SLX4IP: variants seen among roughly 807,000 people sequenced by gnomAD.
SLX4IP encodes the protein SLX4 interacting protein.
In SLX4IP, 34 loss-of-function variants were observed where a neutral mutation model predicts 32.9. That is an observed-to-expected ratio of 1.03 (90% CI 0.79 to 1.38). The LOEUF (loss-of-function observed/expected upper bound fraction) is 1.38, where lower values mean the gene tolerates loss of function less well. Among genes scored for constraint, SLX4IP ranks in the 40% most tolerant of loss-of-function variants. The probability of loss-of-function intolerance (pLI) is 0.00; values close to 1 mark genes in which losing one functional copy is unlikely to be tolerated. For missense variants in SLX4IP, 444 were observed against 479.0 expected (o/e 0.93, Z 0.68); for synonymous variants, 172 against 171.7 (o/e 1.00, Z -0.01).
chr20:10,553,063 C>T (rs1197914119), intron 2 of SLX4IP, among the ~76,000 whole-genome samples: 1 of 152,038 alleles, frequency 6.6e-6, no homozygotes, highest in Admixed American at 6.5e-5. Context: ...ATTCAGAGGC[C>T]AGTGAACTTG....
chr20:10,510,288 A>G (rs2065795619), intron 2 of SLX4IP, among the ~76,000 whole-genome samples: 1 of 152,198 alleles, frequency 6.6e-6, no homozygotes. Flanking sequence ...TGACACTGCC[A>G]TGTGGTTTTT....
chr20:10,459,524 T>A (rs1215416064), intron 2 of SLX4IP, among the ~76,000 whole-genome samples: 1 of 152,226 alleles, frequency 6.6e-6, no homozygotes, highest in Non-Finnish European at 1.5e-5. Flanking sequence ...CTTCATCTTT[T>A]AAAGATGCTT....
chr20:10,501,836 A>T (rs225154), intron 2 of SLX4IP, among the ~76,000 whole-genome samples: 39,844 of 152,052 alleles, frequency 0.26, 5,856 homozygotes, highest in South Asian at 0.4. Context: ...ACAACTTTTT[A>T]AAAAAAATCT....
chr20:10,623,128 G>GA lies in SLX4IP; in HGVS notation c.982dup (p.Ser328LysfsTer29). The GA allele has an allele frequency of 6.2e-7, 1 of 1,614,146 alleles. No homozygotes were observed. Among genetic ancestry groups the GA allele is most frequent in the Non-Finnish European group, 8.5e-7 (1 of 1,180,022 alleles). ...ATTAGTCCCGAGAGAAATAATAGTG[G>GA]AAAAAAGCAAAGCTGTCAGGGTTTT... is the stretch of plus-strand genomic sequence containing the variant. On this transcript the variant is annotated frameshift_variant, in exon 8 of 8. Transcript: ENST00000334534. LOFTEE classifies it high-confidence loss of function.
At chr20:10,439,604 A>C (rs1234062730) in intron 1 of SLX4IP, among the ~76,000 whole-genome samples, 4 of 152,246 alleles carry the variant, frequency 2.6e-5, no homozygotes, top group Non-Finnish European at 4.4e-5. Flanking sequence ...TTTGTATTAA[A>C]ACTTCACCTT....
intron 2 of SLX4IP, among the ~76,000 whole-genome samples, chr20:10,511,709 G>A (rs1347485283): frequency 6.6e-6 from 1 of 152,236 alleles, no homozygotes; most frequent in Admixed American, 6.5e-5. Context: ...CCCACAGTTA[G>A]GTGGCCAGAC....
At chr20:10,571,254 C>T (rs2066462632) in intron 4 of SLX4IP, among the ~76,000 whole-genome samples, 1 of 152,164 alleles carries the variant, frequency 6.6e-6, no homozygotes, top group Non-Finnish European at 1.5e-5. Flanking sequence ...CTGGACAAGC[C>T]AGTTGCCCAG....
chr20:10,463,477 T>G (rs1004441594), intron 2 of SLX4IP, among the ~76,000 whole-genome samples: 6 of 152,170 alleles, frequency 3.9e-5, no homozygotes, highest in African/African-American at 1.4e-4. Flanking sequence ...TAGTTTAGCA[T>G]GTCAAAGTGT....
At chr20:10,558,357 A>C (rs1017550501) in intron 3 of SLX4IP, among the ~76,000 whole-genome samples, 1 of 150,656 alleles carries the variant, frequency 6.6e-6, no homozygotes, top group East Asian at 1.9e-4. Flanking sequence ...AAAAAAAAAA[A>C]AAAAACAATT....
At chr20:10,558,169 A>G (rs569215060) in intron 3 of SLX4IP, among the ~76,000 whole-genome samples, 1 of 152,076 alleles carries the variant, frequency 6.6e-6, no homozygotes, top group South Asian at 2.1e-4. Flanking sequence ...GTGAACCCCC[A>G]TCTCTATAAA....
chr20:10,617,287 G>A (rs189346009), intron 6 of SLX4IP, among the ~76,000 whole-genome samples: 7 of 152,090 alleles, frequency 4.6e-5, no homozygotes, highest in African/African-American at 1.4e-4. Flanking sequence ...AGATGCCCTC[G>A]CCCCATCCCA....
At chr20:10,477,679 A>C (rs2065487157) in intron 2 of SLX4IP, among the ~76,000 whole-genome samples, 2 of 152,216 alleles carry the variant, frequency 1.3e-5, no homozygotes, top group South Asian at 4.1e-4. Flanking sequence ...GTCAATCTTC[A>C]TGGGGTTGTT....
intron 2 of SLX4IP, among the ~76,000 whole-genome samples, chr20:10,513,949 T>A (rs987195534): frequency 5.3e-5 from 8 of 152,322 alleles, no homozygotes; most frequent in Admixed American, 5.2e-4. Context: ...GTACATAATT[T>A]TCAAAGGGAG....
chr20:10,582,648 T>C (rs993187730), intron 4 of SLX4IP, among the ~76,000 whole-genome samples: 12 of 152,188 alleles, frequency 7.9e-5, no homozygotes, highest in Non-Finnish European at 4.4e-5. Flanking sequence ...GAAGTTATTG[T>C]TCGTATTTTA....
chr20:10,590,094 C>T lies in SLX4IP; in HGVS notation c.239-8581C>T, dbSNP rs186468521. On this transcript the variant is annotated intron_variant, in intron 4 of 7. Transcript: ENST00000334534. ...AATTGTCTGGTACACAATAGGCACT[C>T]GGTACATATTTGTTAAACAAATAAA... Among the ~76,000 whole-genome samples the T allele has an allele frequency of 5.9e-5, 9 of 152,062 alleles. No homozygotes were observed. The East Asian group carries it at 1.5e-3, about 26-fold the overall frequency.
chr20:10,601,846 A>G, intron 6 of SLX4IP, 27 bp downstream of exon 6: 1 of 1,580,282 alleles, frequency 6.3e-7, no homozygotes, highest in Non-Finnish European at 8.7e-7. Context: ...TCTATAAACA[A>G]ATAAGTCTGC....
intron 2 of SLX4IP, among the ~76,000 whole-genome samples, chr20:10,475,349 A>G (rs1483372872): frequency 6.6e-6 from 1 of 152,236 alleles, no homozygotes; most frequent in Non-Finnish European, 1.5e-5. Context: ...TAGAGTCATA[A>G]TAACTAGCTT....
chr20:10,467,855 A>AT (rs924121483), intron 2 of SLX4IP, among the ~76,000 whole-genome samples: 16 of 150,662 alleles, frequency 1.1e-4, no homozygotes, highest in African/African-American at 3.2e-4. Context: ...CTTGAAATTA[A>AT]TTTTTTTTTT....
chr20:10,566,283 ATTTTTTTTTTTTT>A (rs59907123), intron 4 of SLX4IP, among the ~76,000 whole-genome samples: 7,053 of 98,292 alleles, frequency 0.072, 245 homozygotes, highest in Middle Eastern at 0.12. Context: ...AACTGATTAC[ATTTTTTTTTTTTT>A]TTTTTTTTTT....
Sources: allele counts gnomAD v4.1 joint callset (sites outside exome capture counted in the v4.1 genomes callset), GRCh38; gene constraint gnomAD v4.1.1; transcripts MANE v1.5; gene names NCBI Gene and HGNC (gene_info 2026-07-23, HGNC 2026-07-21).